Variants in AIF1L observed in about 807,000 individuals in gnomAD.
AIF1L encodes allograft inflammatory factor 1 like.
Under a neutral mutation model 20.7 loss-of-function variants are expected in AIF1L, and 12 were observed. The observed-to-expected ratio is 0.58, with a 90% CI of 0.37 to 0.94. The LOEUF is 0.94. AIF1L is among the 40% of genes least tolerant of loss of function. AIF1L has a pLI of 0.01. For synonymous variants in AIF1L, 76 were observed against 65.1 expected (o/e 1.17, Z -0.81); for missense variants, 173 against 185.3 (o/e 0.93, Z 0.39).
chr9:131,120,040 C>T (rs570066841), intron 5 of AIF1L, among the ~76,000 whole-genome samples, 195 bp from the exon 6 acceptor site: 1 of 152,236 alleles, frequency 6.6e-6, no homozygotes, highest in African/African-American at 2.4e-5. Context: ...TCCATTTTCT[C>T]CTCTGTAAAA....
chr9:131,101,022 C>A (rs1014793493), intron 2 of AIF1L, among the ~76,000 whole-genome samples: 4 of 152,012 alleles, frequency 2.6e-5, no homozygotes, highest in African/African-American at 9.7e-5. Context: ...CTCAGCCTCC[C>A]AAGTAGCTGG....
chr9:131,105,327 C>T (rs989279772), intron 2 of AIF1L, among the ~76,000 whole-genome samples: 1 of 152,350 alleles, frequency 6.6e-6, no homozygotes, highest in East Asian at 1.9e-4. Context: ...CTGCCTCTCC[C>T]ACCCTGGTCA....
chr9:131,096,991 C>T, intron 2 of AIF1L, 128 bp downstream of exon 2: 2 of 1,079,156 alleles, frequency 1.9e-6, no homozygotes, highest in Non-Finnish European at 2.5e-6. Flanking sequence ...GGGCTTCCCT[C>T]AGGTGCCTCC....
In AIF1L at chr9:131,122,471, T is replaced by C. The variant is rs1193005204; in HGVS notation, c.*2149T>C. On this transcript the variant is annotated 3_prime_UTR_variant, in exon 6 of 6. Transcript: ENST00000247291. ...CTTCTACCCCCACCCTGCCCTGTTTTTTGTTTTTTTTTTCCCCAAGATCAT... is the reference window on the plus strand; with the variant it reads ...CTTCTACCCCCACCCTGCCCTGTTTCTTGTTTTTTTTTTCCCCAAGATCAT... The C allele has an allele frequency of 7.1e-6, 1 of 140,130 alleles. No individual in the cohort carries two copies. The highest frequency in any genetic ancestry group is 1.6e-5 in the Non-Finnish European group (1 of 63,426). 8.7% of individuals were successfully genotyped at this position (140,130 alleles called of 1,614,324 possible).
chr9:131,112,044 G>A (rs992891073), intron 3 of AIF1L: 9 of 220,686 alleles, frequency 4.1e-5, no homozygotes, highest in African/African-American at 1.4e-4. Context: ...CCAGCAGAGC[G>A]TCTCAGGAGC....
intron 4 of AIF1L, among the ~76,000 whole-genome samples, chr9:131,115,449 CAAAAAAA>C (rs746698091): frequency 0.016 from 939 of 60,410 alleles, 5 homozygotes; most frequent in Middle Eastern, 0.038. Context: ...GATTCTGTCT[CAAAAAAA>C]AAAAAAAAAA....
At chr9:131,101,184 C>A (rs1830633452) in intron 2 of AIF1L, among the ~76,000 whole-genome samples, 2 of 152,144 alleles carry the variant, frequency 1.3e-5, no homozygotes, top group South Asian at 4.1e-4. Flanking sequence ...GTGTGAACCA[C>A]CACACCCGGC....
chr9:131,105,077 G>A (rs1830716566), intron 2 of AIF1L, among the ~76,000 whole-genome samples: 2 of 152,166 alleles, frequency 1.3e-5, no homozygotes, highest in Non-Finnish European at 2.9e-5. Flanking sequence ...TGGAAAGACA[G>A]GGTACCTGTG....
chr9:131,103,114 T>C (rs1349996921), intron 2 of AIF1L: 2 of 394,518 alleles, frequency 5.1e-6, no homozygotes, highest in Non-Finnish European at 5.1e-6. Flanking sequence ...GGCATAGCAC[T>C]TGGGGGCCTC....
chr9:131,115,974 C>CAAAA (rs148734354), intron 4 of AIF1L, among the ~76,000 whole-genome samples: 1 of 82,246 alleles, frequency 1.2e-5, no homozygotes, highest in Non-Finnish European at 2.6e-5. Context: ...GACTTCGTCT[C>CAAAA]AAAAAAAAAA....
At chr9:131,114,730 T>G (rs1830971050) in intron 4 of AIF1L, 112 bp downstream of exon 4, 2 of 1,393,872 alleles carry the variant, frequency 1.4e-6, no homozygotes, top group South Asian at 2.3e-5. Flanking sequence ...CTGGTGAATA[T>G]GTTGCGCCGA....
At chr9:131,118,025 A>C (rs1020993709) in intron 5 of AIF1L, 107 bp downstream of exon 5, 57 of 1,194,864 alleles carry the variant, frequency 4.8e-5, no homozygotes, top group South Asian at 6.5e-5. Context: ...TAGGTAACTC[A>C]TTGTGCGACC....
chr9:131,111,659 C>A lies in AIF1L; in HGVS notation c.156C>A (p.Phe52Leu). The A allele has an allele frequency of 6.2e-7, 1 of 1,613,992 alleles. No homozygotes were observed. The highest frequency in any genetic ancestry group is 1.6e-4 in the Middle Eastern group (1 of 6,062). The change falls in exon 3 of 6, where the codon TTC (phenylalanine) becomes TTA (leucine). Residue 52 changes from phenylalanine (F) to leucine (L), a missense_variant. Physicochemically the swap from Phe to Leu is conservative, Grantham distance 22. Coordinates refer to ENST00000247291, the MANE Select transcript of AIF1L (RefSeq NM_031426.4). ...ACCTTCCAGAAAAGCTCACAGCCTTCAAAGGTAAGCTGGGGCGGGCTGCCC... is the reference window on the plus strand; with the variant it reads ...ACCTTCCAGAAAAGCTCACAGCCTTAAAAGGTAAGCTGGGGCGGGCTGCCC... ...EENLPEKLTAFKEKYMEFDLN... is the reference protein window; with the variant it reads ...EENLPEKLTALKEKYMEFDLN...
intron 3 of AIF1L, 124 bp from the exon 4 acceptor site, chr9:131,114,453 G>A (rs1830963131): frequency 9.4e-7 from 1 of 1,062,446 alleles, no homozygotes; most frequent in African/African-American, 1.6e-5. Context: ...AAGACCCTTG[G>A]TAGGGTGCGG....
chr9:131,116,025 T>TA (rs1173781515), intron 4 of AIF1L, among the ~76,000 whole-genome samples: 2 of 150,228 alleles, frequency 1.3e-5, no homozygotes, highest in African/African-American at 4.9e-5. Flanking sequence ...TTTTCATCAT[T>TA]AAAAAAATTG....
chr9:131,114,233 G>C, intron 3 of AIF1L: 2 of 265,120 alleles, frequency 7.5e-6, no homozygotes, highest in South Asian at 1.0e-4. Context: ...AGAATCCTGG[G>C]GCAGGGAATC....
At chr9:131,120,186 C>A (rs200092037) in intron 5 of AIF1L, 49 bp from the exon 6 acceptor site, 910 of 1,566,328 alleles carry the variant, frequency 5.8e-4, no homozygotes, top group Non-Finnish European at 7.5e-4. Flanking sequence ...AGGGAAGGAT[C>A]CTAATCTTGT....
rs1469340066 is a variant in AIF1L, at chr9:131,120,223, T to A, written c.366-12T>A. On this transcript the variant is annotated splice_polypyrimidine_tract_variant and intron_variant, in intron 5 of 5. Coordinates refer to ENST00000247291, the MANE Select transcript of AIF1L (RefSeq NM_031426.4). Reference sequence around the variant, plus strand: ...TTTCTTTCTTTTTTTCTTTTCTCCATCTCCAAACCAGAGTCATGATGTTTG... The same window carrying A: ...TTTCTTTCTTTTTTTCTTTTCTCCAACTCCAAACCAGAGTCATGATGTTTG... 1.3e-5 allele frequency: 21 copies of A among 1,610,402 alleles called. No homozygotes were observed. Among genetic ancestry groups the A allele is most frequent in the Non-Finnish European group, 1.6e-5 (19 of 1,178,748 alleles).
rs1200352300 is a variant in AIF1L, at chr9:131,096,600, C to A, written c.-30C>A. The A allele has an allele frequency of 6.7e-7, 1 of 1,485,098 alleles. No homozygotes were observed. Among genetic ancestry groups the A allele is most frequent in the African/African-American group, 1.5e-5 (1 of 68,370 alleles). 92.0% of individuals were successfully genotyped at this position (1,485,098 alleles called of 1,614,324 possible). On this transcript the variant is annotated 5_prime_UTR_variant, in exon 1 of 6. Coordinates refer to ENST00000247291, the MANE Select transcript of AIF1L (RefSeq NM_031426.4). ...CTCGTCCCTCGCCGCGTCCGCGAAG[C>A]CTGGAGCCGGCGGGAGCCCCGCGCT...
Sources: allele counts gnomAD v4.1 joint callset (sites outside exome capture counted in the v4.1 genomes callset), GRCh38; gene constraint gnomAD v4.1.1; transcripts MANE v1.5; gene names NCBI Gene and HGNC (gene_info 2026-07-23, HGNC 2026-07-21).